Variants in DNAH14 observed in about 807,000 individuals in gnomAD.
The protein encoded by DNAH14 is dynein axonemal heavy chain 14.
In DNAH14, 478 loss-of-function variants were observed where a neutral mutation model predicts 520.9. The observed-to-expected ratio is 0.92, with a 90% CI of 0.85 to 0.99. DNAH14 has a LOEUF of 0.99. Ranked by LOEUF, DNAH14 falls within the 50% of genes least tolerant of loss-of-function variation. The pLI is 0.00. For missense variants in DNAH14, 4,831 were observed against 5,234.5 expected (o/e 0.92, Z 2.38); for synonymous variants, 1,581 against 1,757.2 (o/e 0.90, Z 2.51).
chr1:225,002,976 G>A (rs1295762185), intron 9 of DNAH14, 49 bp downstream of exon 9: 1 of 1,363,922 alleles, frequency 7.3e-7, no homozygotes, highest in Non-Finnish European at 9.6e-7. Flanking sequence ...ATAGAAACTA[G>A]GAAGAAAAAT....
rs71170047 is a variant in DNAH14 at position 225,034,515 on chromosome 1, T to TTG, written c.1359-4145_1359-4144dup. ...ATTCATCAAGGATATTGGCTTGAAT[T>TTG]TGTGTGTGTGTGTGTGTGTGTGTGT... On this transcript the variant is annotated intron_variant, in intron 11 of 85. Coordinates refer to ENST00000682510, the MANE Select transcript of DNAH14 (RefSeq NM_001367479.1). Among the ~76,000 whole-genome samples, 1,204 of 147,812 alleles carry TTG rather than the reference T, an allele frequency of 8.1e-3. 9 individuals are homozygous for TTG. The highest frequency in any genetic ancestry group is 0.029 in the African/African-American group (1,136 of 39,474).
chr1:224,970,914 G>T (rs1230647789), intron 7 of DNAH14, among the ~76,000 whole-genome samples: 2 of 152,114 alleles, frequency 1.3e-5, no homozygotes, highest in African/African-American at 4.8e-5. Flanking sequence ...AGATGCCAGG[G>T]ATATTGTATT....
At chr1:224,999,183 C>T (rs2063585552) in intron 8 of DNAH14, among the ~76,000 whole-genome samples, 1 of 151,872 alleles carries the variant, frequency 6.6e-6, no homozygotes, top group Admixed American at 6.6e-5. Flanking sequence ...ATAGTTGTGC[C>T]ATGGATTTTT....
chr1:224,955,508 C>T (rs971887750), intron 3 of DNAH14, among the ~76,000 whole-genome samples: 1 of 152,110 alleles, frequency 6.6e-6, no homozygotes, highest in Admixed American at 6.6e-5. Flanking sequence ...TACTCCCTCA[C>T]ATACTTCCAT....
chr1:225,377,761 AT>A (rs1314974143), intron 79 of DNAH14, among the ~76,000 whole-genome samples: 1 of 152,156 alleles, frequency 6.6e-6, no homozygotes, highest in African/African-American at 2.4e-5. Flanking sequence ...TTCCTTATGT[AT>A]TTAAGTTCTA....
intron 76 of DNAH14, among the ~76,000 whole-genome samples, 155 bp downstream of exon 76, chr1:225,365,049 G>A (rs1034752180): frequency 7.2e-5 from 11 of 152,118 alleles, no homozygotes; most frequent in Admixed American, 7.2e-4. Flanking sequence ...CTATACTGGG[G>A]ATGAGGAAGA....
At chr1:225,175,701 C>CTTTTT (rs35341695) in intron 36 of DNAH14, among the ~76,000 whole-genome samples, 11 of 109,206 alleles carry the variant, frequency 1.0e-4, no homozygotes, top group African/African-American at 2.6e-4. Flanking sequence ...TATTTTGGAT[C>CTTTTT]TTTTTTTTTT....
At chr1:225,114,966 T>A (rs2076760706) in intron 23 of DNAH14, among the ~76,000 whole-genome samples, 1 of 152,212 alleles carries the variant, frequency 6.6e-6, no homozygotes, top group Admixed American at 6.5e-5. Context: ...ATGAAGATGC[T>A]TTTTTCATAG....
At chr1:225,121,672 C>G (rs2077297157) in intron 26 of DNAH14, among the ~76,000 whole-genome samples, 1 of 151,968 alleles carries the variant, frequency 6.6e-6, no homozygotes, top group Non-Finnish European at 1.5e-5. Context: ...GAAACCCTGT[C>G]TCTACTAAAA....
chr1:225,377,418 C>A lies in DNAH14; in HGVS notation c.12698C>A (p.Thr4233Asn). 1 of 1,550,082 alleles carries A rather than the reference C, an allele frequency of 6.5e-7. No homozygotes were observed. Among genetic ancestry groups the A allele is most frequent in the Non-Finnish European group, 8.7e-7 (1 of 1,146,318 alleles). ...ATTGCCATGCAACCAAAAACTACCA[C>A]TGCCAACCTCATGATCAGGTAAGAA... ...NLIAMQPKTT[T>N]ANLMIRPEQS... Residue 4233 changes from threonine (T) to asparagine (N), a missense_variant, in exon 79 of 86, where the codon ACT (threonine) becomes AAT (asparagine). By Grantham distance (65) the Thr-to-Asn change is moderately conservative (BLOSUM62 0). Transcript: ENST00000682510.
intron 23 of DNAH14, among the ~76,000 whole-genome samples, chr1:225,106,701 T>C (rs1330304775): frequency 6.6e-6 from 1 of 152,196 alleles, no homozygotes; most frequent in Non-Finnish European, 1.5e-5. Flanking sequence ...ATTCGTCACA[T>C]AGTTCTTGTG....
intron 30 of DNAH14, among the ~76,000 whole-genome samples, chr1:225,146,525 C>G (rs904930884): frequency 1.2e-4 from 18 of 152,242 alleles, no homozygotes; most frequent in Non-Finnish European, 2.5e-4. Context: ...CAGAACACTG[C>G]TGCACCTGGC....
At chr1:225,362,303 G>A (rs1021654753) in intron 75 of DNAH14, among the ~76,000 whole-genome samples, 7 of 151,904 alleles carry the variant, frequency 4.6e-5, no homozygotes, top group South Asian at 2.1e-4. Flanking sequence ...GGCCGGGCGC[G>A]GTGGCTCACA....
rs200532024 is a variant in DNAH14, at chr1:225,346,037, G to C, written c.10754G>C (p.Arg3585Pro). ...ATGACATCAAACGAAATTTCAAAGCGCATCGAAGCAACAAAAAAAGCTGAA... is the reference window on the plus strand; with the variant it reads ...ATGACATCAAACGAAATTTCAAAGCCCATCGAAGCAACAAAAAAAGCTGAA... Reference protein sequence around the residue: ...SKMTSNEISKRIEATKKAESE... With the variant: ...SKMTSNEISKPIEATKKAESE... Residue 3585 changes from arginine (R) to proline (P), a missense_variant, in exon 70 of 86, where the codon CGC becomes CCC. Physicochemically the swap from Arg to Pro is moderately radical, Grantham distance 103. Transcript: ENST00000682510. The C allele has an allele frequency of 1.8e-4, 278 of 1,551,416 alleles. No individual in the cohort carries two copies. Among genetic ancestry groups the C allele is most frequent in the Non-Finnish European group, 2.2e-4 (257 of 1,146,970 alleles).
At chr1:224,959,909 A>G (rs144456727) in intron 3 of DNAH14, among the ~76,000 whole-genome samples, 3 of 152,256 alleles carry the variant, frequency 2.0e-5, no homozygotes, top group East Asian at 3.9e-4. Flanking sequence ...TACTGTGACA[A>G]TTCTCATTTC....
At chr1:225,083,126 C>CAT (rs1012280858) in intron 20 of DNAH14, among the ~76,000 whole-genome samples, 11 of 152,008 alleles carry the variant, frequency 7.2e-5, no homozygotes, top group African/African-American at 2.4e-4. Context: ...CCTACCTTAA[C>CAT]ATATATATAA....
chr1:225,182,170 C>A (rs1457318695), intron 36 of DNAH14, among the ~76,000 whole-genome samples: 1 of 152,106 alleles, frequency 6.6e-6, no homozygotes, highest in Non-Finnish European at 1.5e-5. Flanking sequence ...TGCACTCCAG[C>A]CTGGGCAAGA....
chr1:225,380,016 G>A, intron 79 of DNAH14, 143 bp from the exon 80 acceptor site: 6 of 792,168 alleles, frequency 7.6e-6, no homozygotes, highest in Non-Finnish European at 1.2e-5. Flanking sequence ...ATCTATTTTT[G>A]TTACCTATAC....
intron 60 of DNAH14, among the ~76,000 whole-genome samples, chr1:225,314,989 G>T (rs1489054548): frequency 6.6e-6 from 1 of 152,100 alleles, no homozygotes; most frequent in African/African-American, 2.4e-5. Flanking sequence ...GGCCTGTCTT[G>T]CTAGGTTGGG....
Sources: allele counts gnomAD v4.1 joint callset (sites outside exome capture counted in the v4.1 genomes callset), GRCh38; gene constraint gnomAD v4.1.1; transcripts MANE v1.5; gene names NCBI Gene and HGNC (gene_info 2026-07-23, HGNC 2026-07-21).